ELAVL1: variants seen among roughly 807,000 people sequenced by gnomAD.
ELAVL1 encodes ELAV like RNA binding protein 1.
ELAVL1 carries 1 observed loss-of-function variant against 28.4 expected under a neutral mutation model. The observed-to-expected ratio is 0.04, with a 90% confidence interval of 0.01 to 0.17. The LOEUF is 0.17. Ranked by LOEUF, ELAVL1 falls within the 10% of genes least tolerant of loss-of-function variation. ELAVL1 has a pLI of 1.00. For missense variants in ELAVL1, 157 were observed against 447.2 expected, an observed-to-expected ratio of 0.35 and a Z score of 5.85; for synonymous variants, 174 against 183.5, an observed-to-expected ratio of 0.95 and a Z score of 0.42.
chr19:7,999,581 A>G (rs565755311), intron 1 of ELAVL1, among the ~76,000 whole-genome samples: 2 of 152,234 alleles, frequency 1.3e-5, no homozygotes, highest in East Asian at 3.9e-4. Flanking sequence ...AGGCAAAGCC[A>G]GGGTGTGTCA....
At chr19:7,987,590 C>T (rs1346041975) in intron 2 of ELAVL1, among the ~76,000 whole-genome samples, 1 of 152,226 alleles carries the variant, frequency 6.6e-6, no homozygotes, top group Non-Finnish European at 1.5e-5. Flanking sequence ...CATCATCACG[C>T]CCCTCCTTCC....
At chr19:7,977,084 C>G (rs903024963) in intron 3 of ELAVL1, among the ~76,000 whole-genome samples, 15 of 152,200 alleles carry the variant, frequency 9.9e-5, no homozygotes, top group African/African-American at 3.6e-4. Flanking sequence ...AGAGCAGCCT[C>G]AGGTGAACGG....
At chr19:7,984,930 G>A (rs1985561510) in intron 2 of ELAVL1, among the ~76,000 whole-genome samples, 1 of 152,186 alleles carries the variant, frequency 6.6e-6, no homozygotes, top group Non-Finnish European at 1.5e-5. Context: ...AGGAGGTGGG[G>A]GGGTTGCCAG....
chr19:7,998,528 G>A (rs987015573), intron 1 of ELAVL1, among the ~76,000 whole-genome samples: 8 of 152,160 alleles, frequency 5.3e-5, no homozygotes, highest in Non-Finnish European at 7.4e-5. Flanking sequence ...AGCCTCAGTC[G>A]CCACCCTCCC....
rs748746419 is a variant in ELAVL1, at chr19:7,979,457, C to T, written c.276+1626G>A. 3.9e-5 allele frequency among the ~76,000 whole-genome samples: 6 copies of T among 152,238 alleles called. No individual in the cohort carries two copies. Among genetic ancestry groups the T allele is most frequent in the East Asian group, 1.9e-4 (1 of 5,200 alleles). On this transcript the variant is annotated intron_variant, in intron 3 of 5. Coordinates refer to ENST00000407627, the MANE Select transcript of ELAVL1 (RefSeq NM_001419.3). This position sits in a 1 kb window ranked among gnomAD's most constrained non-coding sequence, Gnocchi z 5.4. Reference sequence around the variant, plus strand: ...CACCCGGCTCCTGCATCTGAGTAAACGGAACAGCTGTGCAGGAATAATCAA... The same window carrying T: ...CACCCGGCTCCTGCATCTGAGTAAATGGAACAGCTGTGCAGGAATAATCAA...
At chr19:8,002,071 C>T in intron 1 of ELAVL1, 1 of 1,289,370 alleles carries the variant, frequency 7.8e-7, no homozygotes, top group South Asian at 1.2e-5. Flanking sequence ...AACAGCCAAG[C>T]CCTCTGCCCA....
At chr19:7,971,377 T>C (rs1985107074) in intron 4 of ELAVL1, among the ~76,000 whole-genome samples, 1 of 152,088 alleles carries the variant, frequency 6.6e-6, no homozygotes, top group South Asian at 2.1e-4. Context: ...GAGCAGTGCA[T>C]GTGGGGTCTA....
Position 7,960,633 on chromosome 19 carries a change from G to A in ELAVL1, c.*2850C>T, listed in dbSNP as rs1016089609. 1 of 152,646 alleles carries A rather than the reference G, an allele frequency of 6.6e-6. No homozygotes were observed. The highest frequency in any genetic ancestry group is 2.4e-5 in the African/African-American group (1 of 41,444). 9.5% of individuals were successfully genotyped at this position (152,646 alleles called of 1,614,324 possible). On this transcript the variant is annotated 3_prime_UTR_variant, in exon 6 of 6. Coordinates refer to ENST00000407627, the MANE Select transcript of ELAVL1 (RefSeq NM_001419.3). ...AACTACCAGAGGAAGTTACACACGG[G>A]TCAAAAGGGAATTCAATCAAAGCCT... is the stretch of plus-strand genomic sequence containing the variant.
At chr19:7,971,163 C>G (rs1985100853) in intron 4 of ELAVL1, among the ~76,000 whole-genome samples, 1 of 152,244 alleles carries the variant, frequency 6.6e-6, no homozygotes, top group East Asian at 1.9e-4. Flanking sequence ...GAGACACTAT[C>G]TTGCAGAGGG....
At chr19:7,977,546 C>T (rs1038961830) in intron 3 of ELAVL1, among the ~76,000 whole-genome samples, 8 of 152,192 alleles carry the variant, frequency 5.3e-5, no homozygotes, top group African/African-American at 1.9e-4. Flanking sequence ...TGCAGCATCC[C>T]AGCAGGGACA....
At position 7,963,895 on chromosome 19, in the gene ELAVL1, G is replaced by A. The variant is rs935246744; in HGVS notation, c.657-88C>T. ...GCCTGGACGCATGCTGACCATGGCC[G>A]CTGGGCCCCATCCCGCTCTGCGCAG... On this transcript the variant is annotated intron_variant, in intron 5 of 5. Coordinates refer to ENST00000407627, the MANE Select transcript of ELAVL1 (RefSeq NM_001419.3). The surrounding 1 kb of genome is among the most constrained non-coding windows in gnomAD (Gnocchi z 4.5). 3.0e-5 allele frequency: 43 copies of A among 1,425,684 alleles called. No homozygotes were observed. Among genetic ancestry groups the A allele is most frequent in the African/African-American group, 2.3e-4 (16 of 70,208 alleles). 88.3% of individuals were successfully genotyped at this position (1,425,684 alleles called of 1,614,324 possible). A position where few individuals can be genotyped will look rare whatever the true frequency, so the allele number is the denominator to read the frequency against.
At chr19:8,000,265 G>T (rs573832023) in intron 1 of ELAVL1, among the ~76,000 whole-genome samples, 2 of 152,284 alleles carry the variant, frequency 1.3e-5, no homozygotes, top group East Asian at 3.9e-4. Flanking sequence ...GAAGGTTTTT[G>T]ACTCCAATGC....
intron 3 of ELAVL1, among the ~76,000 whole-genome samples, chr19:7,974,915 C>T (rs564168181): frequency 6.6e-5 from 10 of 152,334 alleles, no homozygotes; most frequent in African/African-American, 2.4e-4. Context: ...ACAGACATTG[C>T]CCCTGCTCAT....
chr19:7,996,844 A>C (rs1289440312), intron 1 of ELAVL1, among the ~76,000 whole-genome samples: 1 of 152,114 alleles, frequency 6.6e-6, no homozygotes, highest in Non-Finnish European at 1.5e-5. Context: ...TGAGCAAACA[A>C]CCTGGTTTCA....
chr19:7,999,408 C>G (rs1272367039), intron 1 of ELAVL1, among the ~76,000 whole-genome samples: 1 of 152,162 alleles, frequency 6.6e-6, no homozygotes, highest in East Asian at 1.9e-4. Context: ...TCCCCCAGGA[C>G]AACAGGTTAC....
intron 2 of ELAVL1, among the ~76,000 whole-genome samples, chr19:7,984,702 C>G (rs1289493304): frequency 6.6e-6 from 1 of 152,224 alleles, no homozygotes. Context: ...CTGCTCTCCT[C>G]TCTGTGGTAG....
intron 3 of ELAVL1, among the ~76,000 whole-genome samples, chr19:7,978,351 C>T (rs1985359782): frequency 6.6e-6 from 1 of 152,170 alleles, no homozygotes; most frequent in South Asian, 2.1e-4. Context: ...GGGCTGTGAG[C>T]TGGGCGATAC....
intron 1 of ELAVL1, among the ~76,000 whole-genome samples, chr19:7,993,583 C>T (rs1243733796): frequency 1.3e-5 from 2 of 152,212 alleles, no homozygotes; most frequent in Non-Finnish European, 2.9e-5. Flanking sequence ...GAGAAGAGTC[C>T]AGATCAATGC....
intron 1 of ELAVL1, among the ~76,000 whole-genome samples, chr19:8,001,240 T>C (rs1420874859): frequency 1.3e-5 from 2 of 152,156 alleles, no homozygotes; most frequent in Non-Finnish European, 2.9e-5. Flanking sequence ...TCTCCTCCTG[T>C]CCTTGCCCTC....
Sources: allele counts gnomAD v4.1 joint callset (sites outside exome capture counted in the v4.1 genomes callset), GRCh38; gene constraint gnomAD v4.1.1; non-coding constraint Gnocchi (gnomAD v3.1); transcripts MANE v1.5; gene names NCBI Gene and HGNC (gene_info 2026-07-23, HGNC 2026-07-21).